The following TRABD2B variants were observed in gnomAD, a reference collection of about 807,000 sequenced individuals.
The protein encoded by TRABD2B is TraB domain containing 2B, also known as metalloprotease TIKI2.
Under a neutral mutation model 40.1 loss-of-function variants are expected in TRABD2B, and 14 were observed. The ratio of observed to expected loss-of-function variants is 0.35; its 90% CI spans 0.23 to 0.55. TRABD2B has a LOEUF of 0.55. Ranked by LOEUF, TRABD2B falls within the 20% of genes least tolerant of loss-of-function variation. The pLI is 0.90. For missense variants in TRABD2B, 541 were observed against 648.6 expected, an observed-to-expected ratio of 0.83 and a Z score of 1.80; for synonymous variants, 263 against 277.0, an observed-to-expected ratio of 0.95 and a Z score of 0.50.
At chr1:47,793,590 T>A (rs190862794) in intron 4 of TRABD2B, among the ~76,000 whole-genome samples, 1 of 152,340 alleles carries the variant, frequency 6.6e-6, no homozygotes. Context: ...GTGGTGAGCA[T>A]GTCCAGGAGC....
intron 2 of TRABD2B, among the ~76,000 whole-genome samples, chr1:47,912,364 G>T (rs1240961705): frequency 2.6e-5 from 4 of 152,228 alleles, no homozygotes; most frequent in Non-Finnish European, 4.4e-5. Context: ...GCAAAGCAAT[G>T]TGTGCGTTTT....
intron 2 of TRABD2B, among the ~76,000 whole-genome samples, chr1:47,893,981 C>T (rs1267542949): frequency 1.3e-5 from 2 of 152,164 alleles, no homozygotes; most frequent in Non-Finnish European, 2.9e-5. Flanking sequence ...GTGGATCCTC[C>T]CTCTGATTGT....
intron 2 of TRABD2B, among the ~76,000 whole-genome samples, chr1:47,955,989 G>A (rs1420485257): frequency 9.2e-5 from 14 of 152,172 alleles, no homozygotes; most frequent in Admixed American, 9.2e-4. Context: ...CTACCTAGTT[G>A]GCTTCTGACT....
intron 2 of TRABD2B, among the ~76,000 whole-genome samples, chr1:47,948,234 AG>A (rs1645287197): frequency 6.6e-6 from 1 of 151,866 alleles, no homozygotes; most frequent in Non-Finnish European, 1.5e-5. Flanking sequence ...TGTTATCCTG[AG>A]GGCATATCCT....
At chr1:47,814,496 G>A (rs1037949287) in intron 2 of TRABD2B, among the ~76,000 whole-genome samples, 3 of 152,182 alleles carry the variant, frequency 2.0e-5, no homozygotes, top group Non-Finnish European at 4.4e-5. Flanking sequence ...ATGGAGGAAG[G>A]GAGGGGCAGA....
At chr1:47,963,183 T>C (rs1173213953) in intron 2 of TRABD2B, among the ~76,000 whole-genome samples, 1 of 152,330 alleles carries the variant, frequency 6.6e-6, no homozygotes, top group Non-Finnish European at 1.5e-5. Context: ...CAGATTAACA[T>C]AACAGGTTTC....
At chr1:47,960,012 A>G (rs990572147) in intron 2 of TRABD2B, among the ~76,000 whole-genome samples, 1 of 152,216 alleles carries the variant, frequency 6.6e-6, no homozygotes, top group Admixed American at 6.5e-5. Context: ...AAGCTTATCC[A>G]CCACGATCAA....
At chr1:47,782,303 C>T (rs1644535966) in intron 4 of TRABD2B, among the ~76,000 whole-genome samples, 1 of 152,184 alleles carries the variant, frequency 6.6e-6, no homozygotes, top group African/African-American at 2.4e-5. Flanking sequence ...CCTGCTGTGA[C>T]CTCCTAAACG....
chr1:47,810,137 G>GGTGT (rs140552120), intron 2 of TRABD2B, among the ~76,000 whole-genome samples: 33,393 of 135,806 alleles, frequency 0.25, 4,038 homozygotes, highest in South Asian at 0.47. Context: ...AGGAATATAG[G>GGTGT]GTGTGTGTGT....
intron 2 of TRABD2B, among the ~76,000 whole-genome samples, chr1:47,810,193 A>G (rs1171082174): frequency 6.6e-6 from 1 of 151,296 alleles, no homozygotes; most frequent in Non-Finnish European, 1.5e-5. Context: ...GGGAGTTGAT[A>G]TTTTATTATT....
chr1:47,964,212 C>T (rs566835447), intron 2 of TRABD2B, among the ~76,000 whole-genome samples: 1 of 152,158 alleles, frequency 6.6e-6, no homozygotes, highest in African/African-American at 2.4e-5. Flanking sequence ...GAAAAGGAAG[C>T]GTTACGGTCA....
At position 47,857,884 on chromosome 1, in the gene TRABD2B, G is replaced by T. The variant is rs1397003999; in HGVS notation, c.667-56265C>A. On this transcript the variant is annotated intron_variant, in intron 2 of 6. Coordinates refer to ENST00000606738, the MANE Select transcript of TRABD2B (RefSeq NM_001194986.2). ...AGCATTTTGTATCTTAGTTAATACGGTACCCACCCCCCACCCCTTATCCAC... is the reference window on the plus strand; with the variant it reads ...AGCATTTTGTATCTTAGTTAATACGTTACCCACCCCCCACCCCTTATCCAC... Among the ~76,000 whole-genome samples the T allele has an allele frequency of 2.7e-5, 4 of 145,948 alleles. No individual in the cohort carries two copies. The East Asian group carries it at 8.2e-4, about 30-fold the overall frequency.
At chr1:47,941,447 C>T (rs1342661620) in intron 2 of TRABD2B, among the ~76,000 whole-genome samples, 2 of 152,326 alleles carry the variant, frequency 1.3e-5, no homozygotes, top group African/African-American at 2.4e-5. Context: ...CTTGCACACA[C>T]AAACACATAG....
At chr1:47,911,738 T>G in intron 2 of TRABD2B, among the ~76,000 whole-genome samples, 1 of 152,214 alleles carries the variant, frequency 6.6e-6, no homozygotes, top group East Asian at 1.9e-4. Context: ...CTTTCTATGC[T>G]GTCTGTCCAC....
At chr1:47,829,570 A>G (rs972361129) in intron 2 of TRABD2B, among the ~76,000 whole-genome samples, 48 of 151,958 alleles carry the variant, frequency 3.2e-4, no homozygotes, top group African/African-American at 1.1e-3. Flanking sequence ...CAGATCCCCA[A>G]GCCTACCTCC....
At chr1:47,919,849 G>A (rs1274898008) in intron 2 of TRABD2B, among the ~76,000 whole-genome samples, 2 of 152,214 alleles carry the variant, frequency 1.3e-5, no homozygotes, top group African/African-American at 2.4e-5. Context: ...CCTGGAGAGG[G>A]GGGTGCTGGT....
intron 2 of TRABD2B, among the ~76,000 whole-genome samples, chr1:47,977,856 G>A (rs1645781002): frequency 6.6e-6 from 1 of 152,114 alleles, no homozygotes; most frequent in Admixed American, 6.5e-5. Flanking sequence ...GGCTCTAAAG[G>A]AGAAGAAAAG....
intron 2 of TRABD2B, among the ~76,000 whole-genome samples, chr1:47,990,154 C>A (rs1570426678): frequency 6.6e-6 from 1 of 152,246 alleles, no homozygotes. Flanking sequence ...TGTGTTCAGG[C>A]GCTACACATA....
intron 2 of TRABD2B, among the ~76,000 whole-genome samples, chr1:47,853,829 C>T (rs2124530114): frequency 6.6e-6 from 1 of 152,312 alleles, no homozygotes; most frequent in African/African-American, 2.4e-5. Flanking sequence ...CTCTGTTTCC[C>T]ACCTCTTACT....
Sources: gnomAD v4.1 joint callset for allele counts (sites outside exome capture counted in the v4.1 genomes callset) on GRCh38, gnomAD v4.1.1 for gene constraint, MANE v1.5 for transcripts, NCBI Gene and HGNC (gene_info 2026-07-23, HGNC 2026-07-21) for gene names.